The following ADK variants were observed in gnomAD, a reference collection of about 807,000 sequenced individuals.
The protein encoded by ADK is adenosine kinase, also known as N6,N6-dimethyladenosine kinase.
ADK carries 24 observed loss-of-function variants against 44.7 expected under a neutral mutation model. The ratio of observed to expected loss-of-function variants is 0.54; its 90% CI spans 0.39 to 0.76. The LOEUF (loss-of-function observed/expected upper bound fraction) is 0.76. Ranked by LOEUF, ADK falls within the 30% of genes least tolerant of loss-of-function variation. The pLI is 0.00. For synonymous variants in ADK, 128 were observed against 142.6 expected (o/e 0.90, Z 0.73); for missense variants, 321 against 425.1 (o/e 0.76, Z 2.15).
intron 9 of ADK, among the ~76,000 whole-genome samples, chr10:74,643,865 C>T (rs1488004459): frequency 6.6e-6 from 1 of 152,194 alleles, no homozygotes; most frequent in African/African-American, 2.4e-5. Context: ...CCTGTTCACA[C>T]ACCCTTAATC....
intron 1 of ADK, among the ~76,000 whole-genome samples, chr10:74,191,390 A>G (rs1374356938): frequency 6.6e-6 from 1 of 151,964 alleles, no homozygotes. Flanking sequence ...TTTTTTAAGC[A>G]TTAAAAAAAA....
At chr10:74,373,727 T>A (rs4448625) in intron 4 of ADK, among the ~76,000 whole-genome samples, 161 of 152,294 alleles carry the variant, frequency 1.1e-3, no homozygotes, top group Middle Eastern at 3.4e-3. Context: ...TAGTGCAGCC[T>A]TTTTGGAAAA....
intron 4 of ADK, among the ~76,000 whole-genome samples, chr10:74,341,388 T>G (rs1382396623): frequency 6.6e-6 from 1 of 151,542 alleles, no homozygotes; most frequent in Non-Finnish European, 1.5e-5. Context: ...TAGCTGGGTG[T>G]GTTGGCGGGT....
At chr10:74,635,436 T>C (rs1163278692) in intron 9 of ADK, among the ~76,000 whole-genome samples, 1 of 152,232 alleles carries the variant, frequency 6.6e-6, no homozygotes, top group East Asian at 1.9e-4. Context: ...GTATATACTA[T>C]GTGATTCCAT....
intron 2 of ADK, among the ~76,000 whole-genome samples, chr10:74,210,019 C>T (rs1843750083): frequency 6.6e-6 from 1 of 151,828 alleles, no homozygotes; most frequent in Non-Finnish European, 1.5e-5. Flanking sequence ...AAAGGAAAAC[C>T]ATCAGTAGAA....
intron 6 of ADK, among the ~76,000 whole-genome samples, chr10:74,450,636 G>C (rs1031106585): frequency 6.6e-6 from 1 of 152,080 alleles, no homozygotes; most frequent in African/African-American, 2.4e-5. Flanking sequence ...TAATGTTCCT[G>C]TTTTTATGTA....
chr10:74,204,677 G>T (rs1466093068), intron 2 of ADK, among the ~76,000 whole-genome samples: 2 of 152,126 alleles, frequency 1.3e-5, no homozygotes, highest in Non-Finnish European at 2.9e-5. Flanking sequence ...TTACTTTAAT[G>T]ATTTTAGTTC....
At chr10:74,455,555 G>T (rs1272006510) in intron 6 of ADK, among the ~76,000 whole-genome samples, 1 of 152,066 alleles carries the variant, frequency 6.6e-6, no homozygotes, top group African/African-American at 2.4e-5. Flanking sequence ...CCGTCACCAG[G>T]CTGAAGTGCA....
intron 1 of ADK, among the ~76,000 whole-genome samples, chr10:74,154,946 C>CT (rs1841707207): frequency 6.6e-6 from 1 of 152,162 alleles, no homozygotes; most frequent in African/African-American, 2.4e-5. Flanking sequence ...TTTGTAAACT[C>CT]TGAAGTTGAT....
intron 6 of ADK, among the ~76,000 whole-genome samples, chr10:74,483,817 C>T (rs1369526738): frequency 1.3e-5 from 2 of 152,222 alleles, no homozygotes; most frequent in African/African-American, 2.4e-5. Flanking sequence ...GTGACCTTCA[C>T]TCCATTTGCC....
At chr10:74,447,273 G>A (rs1333556093) in intron 6 of ADK, among the ~76,000 whole-genome samples, 1 of 152,088 alleles carries the variant, frequency 6.6e-6, no homozygotes, top group Non-Finnish European at 1.5e-5. Flanking sequence ...CAAAATGGGG[G>A]TTTAGACTTC....
rs1843485926 is a variant in ADK at position 74,203,767 on chromosome 10, A to ATTG, written c.140+2931_140+2932insGTT. 2.6e-5 allele frequency among the ~76,000 whole-genome samples: 4 copies of ATTG among 150,962 alleles called. 1 individual carries two copies. The South Asian group carries it at 8.3e-4, about 31-fold the overall frequency. Reference sequence around the variant, plus strand: ...AACTTTGTTTTTCAAGATTATTATTATTATTATTATTAATTTTTAATTTGA... The same window carrying ATTG: ...AACTTTGTTTTTCAAGATTATTATTATTGTTATTATTATTAATTTTTAATTTGA... On this transcript the variant is annotated intron_variant, in intron 2 of 10. Transcript: ENST00000539909.
At chr10:74,273,065 G>T (rs1222287773) in intron 3 of ADK, among the ~76,000 whole-genome samples, 1 of 152,046 alleles carries the variant, frequency 6.6e-6, no homozygotes, top group East Asian at 1.9e-4. Flanking sequence ...GAGTGTGGTG[G>T]ATATGGAGAT....
intron 6 of ADK, among the ~76,000 whole-genome samples, chr10:74,441,015 A>C (rs1409937153): frequency 2.6e-5 from 4 of 152,184 alleles, no homozygotes; most frequent in Non-Finnish European, 5.9e-5. Context: ...TCCTTAGTAT[A>C]TGTGAAGGTC....
At chr10:74,197,548 A>G (rs1843204860) in intron 1 of ADK, among the ~76,000 whole-genome samples, 1 of 152,066 alleles carries the variant, frequency 6.6e-6, no homozygotes, top group East Asian at 1.9e-4. Flanking sequence ...ACAAATATAA[A>G]AATTAGCCAG....
rs543921926 is a variant in ADK at position 74,160,554 on chromosome 10, TG to T, written c.65+9215del. Among the ~76,000 whole-genome samples, 211 of 152,352 alleles carry T rather than the reference TG, an allele frequency of 1.4e-3. 2 individuals are homozygous for T. Among genetic ancestry groups the T allele is most frequent in the Non-Finnish European group, 1.8e-3 (124 of 68,038 alleles). ...ACCGTCCTGGGCTAAGCCCCAGTTC[TG>T]GGGCTTACCTGCCCTGCATTACAAT... is the stretch of plus-strand genomic sequence containing the variant. On this transcript the variant is annotated intron_variant, in intron 1 of 10. Transcript: ENST00000539909.
intron 1 of ADK, among the ~76,000 whole-genome samples, chr10:74,180,205 C>A (rs1419563599): frequency 7.6e-6 from 1 of 132,206 alleles, no homozygotes; most frequent in African/African-American, 2.7e-5. Context: ...TTTCTCTTTT[C>A]TTTTTATTAT....
At chr10:74,341,364 C>CAA (rs35746333) in intron 4 of ADK, among the ~76,000 whole-genome samples, 227 of 141,868 alleles carry the variant, frequency 1.6e-3, no homozygotes, top group African/African-American at 4.3e-3. Context: ...ACTAAAAATA[C>CAA]AAAAAAAAAA....
intron 10 of ADK, among the ~76,000 whole-genome samples, chr10:74,683,179 T>C (rs1380259231): frequency 6.6e-6 from 1 of 152,200 alleles, no homozygotes; most frequent in African/African-American, 2.4e-5. Context: ...AGTGGGAATT[T>C]CCTGCCAGAT....
Sources: gnomAD v4.1 joint callset for allele counts (sites outside exome capture counted in the v4.1 genomes callset) on GRCh38, gnomAD v4.1.1 for gene constraint, MANE v1.5 for transcripts, NCBI Gene and HGNC (gene_info 2026-07-23, HGNC 2026-07-21) for gene names.